The following SPAG9 variants were observed in gnomAD, a reference collection of about 807,000 sequenced individuals.
SPAG9 encodes sperm associated antigen 9, also known as C-Jun-amino-terminal kinase-interacting protein 4.
Under a neutral mutation model 166.5 loss-of-function variants are expected in SPAG9, and 35 were observed. The ratio of observed to expected loss-of-function variants is 0.21; its 90% CI spans 0.16 to 0.28. SPAG9 has a LOEUF of 0.28. Among genes scored for constraint, SPAG9 ranks in the 10% least tolerant of loss-of-function variants. The pLI, the probability that SPAG9 is intolerant of heterozygous loss-of-function variation, is 1.00. For synonymous variants in SPAG9, 534 were observed against 565.5 expected, an observed-to-expected ratio of 0.94 and a Z score of 0.79; for missense variants, 1,235 against 1,603.3, an observed-to-expected ratio of 0.77 and a Z score of 3.92.
intron 9 of SPAG9, among the ~76,000 whole-genome samples, chr17:51,008,459 A>G (rs2045318525): frequency 6.6e-6 from 1 of 152,150 alleles, no homozygotes; most frequent in African/African-American, 2.4e-5. Context: ...ATCACATACA[A>G]TGGAAGAAGT....
chr17:51,051,905 T>C (rs1274737327), intron 3 of SPAG9, among the ~76,000 whole-genome samples: 1 of 152,158 alleles, frequency 6.6e-6, no homozygotes, highest in Non-Finnish European at 1.5e-5. Context: ...TGTGAGACTC[T>C]CCCAAGATTC....
intron 1 of SPAG9, among the ~76,000 whole-genome samples, chr17:51,107,491 C>G (rs1384603075): frequency 6.6e-6 from 1 of 152,116 alleles, no homozygotes; most frequent in Non-Finnish European, 1.5e-5. Flanking sequence ...GTAATCCCAG[C>G]ACTTTGGGAG....
intron 1 of SPAG9, among the ~76,000 whole-genome samples, chr17:51,112,398 C>A (rs1383669929): frequency 6.8e-6 from 1 of 147,150 alleles, no homozygotes; most frequent in Admixed American, 6.9e-5. Flanking sequence ...AAAGGCCAGG[C>A]GCAGTGGCTC....
At chr17:51,045,965 AT>A (rs2047004327) in intron 4 of SPAG9, among the ~76,000 whole-genome samples, 1 of 152,214 alleles carries the variant, frequency 6.6e-6, no homozygotes, top group Non-Finnish European at 1.5e-5. Context: ...AAAGTCTTAA[AT>A]TTTTTCACTT....
At chr17:51,059,581 A>G (rs1273706909) in intron 2 of SPAG9, among the ~76,000 whole-genome samples, 1 of 151,748 alleles carries the variant, frequency 6.6e-6, no homozygotes, top group African/African-American at 2.4e-5. Context: ...GTGAAACCCC[A>G]TCTCTACTAA....
intron 27 of SPAG9, 119 bp from the exon 28 acceptor site, chr17:50,975,066 AG>A: frequency 3.2e-6 from 3 of 941,084 alleles, no homozygotes; most frequent in Non-Finnish European, 4.6e-6. Flanking sequence ...AGATAAAACA[AG>A]GATGGCAATG....
intron 5 of SPAG9, among the ~76,000 whole-genome samples, chr17:51,032,193 C>T (rs1263284229): frequency 6.6e-6 from 1 of 152,120 alleles, no homozygotes; most frequent in Non-Finnish European, 1.5e-5. Flanking sequence ...CACGGTCTCA[C>T]TCCTGTCGTC....
intron 2 of SPAG9, among the ~76,000 whole-genome samples, chr17:51,076,796 A>T (rs982718425): frequency 1.3e-5 from 2 of 152,028 alleles, no homozygotes; most frequent in Non-Finnish European, 2.9e-5. Flanking sequence ...AAGAAAACTT[A>T]ATACGTAAAA....
In SPAG9 at chr17:50,993,785, G is replaced by A. The variant is rs115371969; in HGVS notation, c.2377C>T (p.Leu793=). 1,358 of 1,614,164 alleles carry A rather than the reference G, an allele frequency of 8.4e-4. 16 individuals are homozygous for A. The African/African-American group carries it at 0.016, about 19-fold the overall frequency. The change falls in exon 19 of 30, where the codon CTG becomes TTG. Residue 793 remains leucine, a synonymous_variant. Coordinates refer to ENST00000262013, the MANE Select transcript of SPAG9 (RefSeq NM_001130528.3). The part of the protein sequence containing the change: ...DSFTVCNSHV[L]CIASVPGARE... ...TTACCTGGCACACTTGCAATGCACA[G>A]AACATGAGAGTTGCAAACAGTGAAA...
chr17:51,086,778 T>G (rs1177237150), intron 1 of SPAG9, among the ~76,000 whole-genome samples: 1 of 151,938 alleles, frequency 6.6e-6, no homozygotes, highest in Non-Finnish European at 1.5e-5. Context: ...AAAAGTTAGC[T>G]GGGCGTGGTG....
At position 51,006,146 on chromosome 17, in the gene SPAG9, C is replaced by T; in HGVS notation, c.1363G>A (p.Val455Met). ...TCTAGTTTCAGTTTGGCTTGCTTCA[C>T]AGCCTCCAATTCCCCTTGCAGCACA... is the stretch of plus-strand genomic sequence containing the variant. ...KDVLQGELEA[V>M]KQAKLKLEEK... Residue 455 changes from valine (V) to methionine (M), a missense_variant, in exon 11 of 30, where the codon GTG becomes ATG. Transcript: ENST00000262013. 1.2e-6 allele frequency: 2 copies of T among 1,614,226 alleles called. No homozygotes were observed. Among genetic ancestry groups the T allele is most frequent in the South Asian group, 2.2e-5 (2 of 91,084 alleles).
intron 24 of SPAG9, among the ~76,000 whole-genome samples, chr17:50,983,721 C>G (rs1192717509): frequency 6.6e-6 from 1 of 152,132 alleles, no homozygotes; most frequent in Non-Finnish European, 1.5e-5. Flanking sequence ...GGCTTTTCCA[C>G]TTATTAGCTG....
intron 12 of SPAG9, among the ~76,000 whole-genome samples, chr17:51,003,502 A>AGGT (rs763290684): frequency 1.3e-5 from 2 of 152,206 alleles, no homozygotes; most frequent in Non-Finnish European, 2.9e-5. Flanking sequence ...CTAGTTACCA[A>AGGT]GGTACTCAAC....
In SPAG9 at chr17:50,987,158, T is replaced by TTTTC; in HGVS notation, c.2889_2892dup (p.Met965GlufsTer4). 6.2e-7 allele frequency: 1 copy of TTTTC among 1,613,580 alleles called. No homozygotes were observed. The highest frequency in any genetic ancestry group is 8.5e-7 in the Non-Finnish European group (1 of 1,179,780). On this transcript the variant is annotated frameshift_variant, in exon 22 of 30. Transcript: ENST00000262013. LOFTEE classifies it high-confidence loss of function. The stretch of plus-strand genomic sequence containing the variant: ...CACATAGTTGGTAAAAGACTACTCA[T>TTTTC]TTTCTGGGCTTCTTCTCTCACCAAG...
intron 25 of SPAG9, 72 bp downstream of exon 25, chr17:50,982,452 A>C: frequency 6.6e-6 from 9 of 1,367,660 alleles, no homozygotes; most frequent in Non-Finnish European, 8.9e-6. Context: ...AGAAGCTGAA[A>C]ATAATTATAG....
chr17:50,970,895 C>A, intron 28 of SPAG9, 39 bp from the exon 29 acceptor site: 1 of 1,533,750 alleles, frequency 6.5e-7, no homozygotes, highest in Non-Finnish European at 8.9e-7. Flanking sequence ...TTACTTATCA[C>A]AGAAGGGAGG....
intron 27 of SPAG9, chr17:50,976,725 CAAAT>C (rs1974236452): frequency 6.5e-6 from 1 of 153,554 alleles, no homozygotes; most frequent in Non-Finnish European, 1.4e-5. Flanking sequence ...TTTTAAACCT[CAAAT>C]AAGACAAATG....
intron 1 of SPAG9, among the ~76,000 whole-genome samples, chr17:51,095,878 T>G (rs914048520): frequency 5.1e-4 from 74 of 144,800 alleles, no homozygotes; most frequent in African/African-American, 1.8e-3. Context: ...AGTGATGTGA[T>G]ATATATAGTG....
intron 22 of SPAG9, among the ~76,000 whole-genome samples, chr17:50,986,276 T>C (rs1287896901): frequency 6.6e-6 from 1 of 152,208 alleles, no homozygotes; most frequent in East Asian, 1.9e-4. Context: ...GAGATTTATA[T>C]GAAATTCAAA....
Sources: allele counts gnomAD v4.1 joint callset (sites outside exome capture counted in the v4.1 genomes callset), GRCh38; gene constraint gnomAD v4.1.1; transcripts MANE v1.5; gene names NCBI Gene and HGNC (gene_info 2026-07-23, HGNC 2026-07-21).